Variants in FAM83B observed in about 807,000 individuals in gnomAD.
FAM83B encodes the protein protein FAM83B.
FAM83B carries 26 observed loss-of-function variants against 38.8 expected under a neutral mutation model. The ratio of observed to expected loss-of-function variants is 0.67; its 90% CI spans 0.49 to 0.93. FAM83B has a LOEUF of 0.93. Ranked by LOEUF, FAM83B falls within the 40% of genes least tolerant of loss-of-function variation. FAM83B has a pLI of 0.00. For synonymous variants in FAM83B, 419 were observed against 423.1 expected (o/e 0.99, Z 0.12); for missense variants, 1,237 against 1,197.3 (o/e 1.03, Z -0.49).
At chr6:54,923,128 A>C (rs1166024782) in intron 2 of FAM83B, among the ~76,000 whole-genome samples, 2 of 152,084 alleles carry the variant, frequency 1.3e-5, no homozygotes, top group African/African-American at 2.4e-5. Flanking sequence ...TTTTTCATCC[A>C]TTATAATGGG....
At chr6:54,936,929 A>C (rs1411900809) in intron 4 of FAM83B, among the ~76,000 whole-genome samples, 1 of 147,284 alleles carries the variant, frequency 6.8e-6, no homozygotes, top group Non-Finnish European at 1.5e-5. Flanking sequence ...TGGCATAATA[A>C]ATATTCCTTC....
rs76674818 is a variant in FAM83B, at chr6:54,866,071, C to G, written c.-60-4116C>G. Among the ~76,000 whole-genome samples, 1,073 of 151,846 alleles carry G rather than the reference C, an allele frequency of 7.1e-3. 12 individuals carry two copies. Among genetic ancestry groups the G allele is most frequent in the African/African-American group, 0.025 (1,041 of 41,458 alleles). Reference sequence around the variant, plus strand: ...AGATAAAGACTGTTGTTATTCTCCTCTCTACATCTGCCCAAACTGAGGCTT... The same window carrying G: ...AGATAAAGACTGTTGTTATTCTCCTGTCTACATCTGCCCAAACTGAGGCTT... On this transcript the variant is annotated intron_variant, in intron 1 of 4. Transcript: ENST00000306858.
chr6:54,886,189 A>G (rs996112375), intron 2 of FAM83B, among the ~76,000 whole-genome samples: 1 of 152,036 alleles, frequency 6.6e-6, no homozygotes, highest in Admixed American at 6.6e-5. Flanking sequence ...ATTTGCTGGT[A>G]TTTTATTTAT....
chr6:54,921,658 G>A (rs2127587270), intron 2 of FAM83B, among the ~76,000 whole-genome samples: 1 of 152,040 alleles, frequency 6.6e-6, no homozygotes, highest in Admixed American at 6.6e-5. Flanking sequence ...GTAGTTTAAT[G>A]AACACCAATT....
At chr6:54,875,950 T>TA (rs1188865970) in intron 2 of FAM83B, among the ~76,000 whole-genome samples, 2 of 152,018 alleles carry the variant, frequency 1.3e-5, no homozygotes, top group Non-Finnish European at 2.9e-5. Flanking sequence ...AGCAAAAAAT[T>TA]AAAAAAGTAT....
intron 1 of FAM83B, among the ~76,000 whole-genome samples, chr6:54,863,401 TC>T (rs1262452474): frequency 6.6e-6 from 1 of 152,202 alleles, no homozygotes; most frequent in African/African-American, 2.4e-5. Context: ...TAGAAACCCT[TC>T]GGGTCAGTAC....
At position 54,943,832 on chromosome 6, in the gene FAM83B, A is replaced by C. The variant is rs1353844452; in HGVS notation, c.*1825A>C. 6.6e-6 allele frequency: 1 copy of C among 152,212 alleles called. No homozygotes were observed. The highest frequency in any genetic ancestry group is 1.5e-5 in the Non-Finnish European group (1 of 68,042). 9.4% of individuals were successfully genotyped at this position (152,212 alleles called of 1,614,324 possible). A position where few individuals can be genotyped will look rare whatever the true frequency, so the allele number is the denominator to read the frequency against. On this transcript the variant is annotated 3_prime_UTR_variant, in exon 5 of 5. Transcript: ENST00000306858. ...TAACTTTAAAACTGAAATTATATAA[A>C]GAGTAGAAGTTTAATCATGTTTAAT...
chr6:54,857,814 A>G (rs774958019), intron 1 of FAM83B, among the ~76,000 whole-genome samples: 8 of 152,216 alleles, frequency 5.3e-5, no homozygotes, highest in Non-Finnish European at 1.0e-4. Context: ...TAAGTATGGC[A>G]GAGAGAGTGG....
At chr6:54,862,832 C>T (rs1004595697) in intron 1 of FAM83B, among the ~76,000 whole-genome samples, 1 of 151,408 alleles carries the variant, frequency 6.6e-6, no homozygotes, top group Non-Finnish European at 1.5e-5. Context: ...TGCAGTGAGC[C>T]GAGATCGCGC....
At chr6:54,935,974 C>T (rs2127590601) in intron 4 of FAM83B, among the ~76,000 whole-genome samples, 1 of 152,156 alleles carries the variant, frequency 6.6e-6, no homozygotes, top group Admixed American at 6.6e-5. Flanking sequence ...ATGAGTCATA[C>T]ATGTGAGGCT....
At chr6:54,884,594 C>T (rs1394833847) in intron 2 of FAM83B, among the ~76,000 whole-genome samples, 2 of 151,946 alleles carry the variant, frequency 1.3e-5, no homozygotes, top group Non-Finnish European at 1.5e-5. Context: ...GGCCAGGGTC[C>T]ATTTTGATTT....
rs780947097 is a variant in FAM83B at position 54,940,563 on chromosome 6, C to T, written c.1592C>T (p.Ala531Val). Reference sequence around the variant, plus strand: ...TATGATAATCCTGAGAATTTGAAGGCCAATGCCCTTTATACTCATTCTCGG... The same window carrying T: ...TATGATAATCCTGAGAATTTGAAGGTCAATGCCCTTTATACTCATTCTCGG... ...EGYDNPENLK[A>V]NALYTHSRLR... is the part of the protein sequence containing the mutation. The change falls in exon 5 of 5, where the codon GCC becomes GTC. Residue 531 changes from alanine (A) to valine (V), a missense_variant. Physicochemically the swap from Ala to Val is moderately conservative, Grantham distance 64. Coordinates refer to ENST00000306858, the MANE Select transcript of FAM83B (RefSeq NM_001010872.3). 1.2e-6 allele frequency: 2 copies of T among 1,614,030 alleles called. No individual in the cohort carries two copies. Among genetic ancestry groups the T allele is most frequent in the Non-Finnish European group, 1.7e-6 (2 of 1,180,018 alleles).
At chr6:54,859,728 T>G (rs1276070858) in intron 1 of FAM83B, among the ~76,000 whole-genome samples, 1 of 152,178 alleles carries the variant, frequency 6.6e-6, no homozygotes, top group East Asian at 1.9e-4. Context: ...TTATTTTAAT[T>G]TTTTTCCTTT....
At chr6:54,920,358 C>T (rs1773142012) in intron 2 of FAM83B, among the ~76,000 whole-genome samples, 1 of 151,490 alleles carries the variant, frequency 6.6e-6, no homozygotes, top group African/African-American at 2.4e-5. Context: ...TTAGAACTCC[C>T]TATGAGTTTT....
chr6:54,905,539 A>G (rs1057398379), intron 2 of FAM83B, among the ~76,000 whole-genome samples: 1 of 152,158 alleles, frequency 6.6e-6, no homozygotes, highest in Non-Finnish European at 1.5e-5. Context: ...CCGTTTTGGA[A>G]TACAATACAT....
Position 54,939,952 on chromosome 6 carries a change from C to A in FAM83B, c.981C>A (p.Asp327Glu). 1 of 1,613,994 alleles carries A rather than the reference C, an allele frequency of 6.2e-7. No individual in the cohort carries two copies. Among genetic ancestry groups the A allele is most frequent in the South Asian group, 1.1e-5 (1 of 91,078 alleles). The stretch of plus-strand genomic sequence containing the variant: ...AGAGAAACCTTTTTGGTAGACAAGA[C>A]AAGATTCATAAACTAGATTCCAGTT... ...SSQRNLFGRQ[D>E]KIHKLDSSYF... is the part of the protein sequence containing the mutation. Residue 327 changes from aspartate (D) to glutamate (E), a missense_variant, in exon 5 of 5, where the codon GAC becomes GAA. By Grantham distance (45) the Asp-to-Glu change is conservative. Transcript: ENST00000306858.
intron 2 of FAM83B, among the ~76,000 whole-genome samples, chr6:54,905,466 A>G (rs540753710): frequency 6.6e-6 from 1 of 152,210 alleles, no homozygotes; most frequent in Non-Finnish European, 1.5e-5. Context: ...TAATTAACAT[A>G]TCTTTCACCT....
chr6:54,912,058 C>G (rs1373822571), intron 2 of FAM83B, among the ~76,000 whole-genome samples: 1 of 151,732 alleles, frequency 6.6e-6, no homozygotes, highest in Non-Finnish European at 1.5e-5. Flanking sequence ...CTTCTTTAAT[C>G]ATTATATTTC....
At position 54,941,126 on chromosome 6, in the gene FAM83B, G is replaced by A. The variant is rs1042492096; in HGVS notation, c.2155G>A (p.Glu719Lys). The change falls in exon 5 of 5, where the codon GAG (glutamate) becomes AAG (lysine). Residue 719 changes from glutamate (E) to lysine (K), a missense_variant. By Grantham distance (56) the Glu-to-Lys change is moderately conservative. Transcript: ENST00000306858. ...GCACAATGTGACTCATAACTTGGAG[G>A]AGGATGAGGAGGAAGTTACCAAGAG... ...SMHNVTHNLE[E>K]DEEEVTKRNS... 6.2e-6 allele frequency: 10 copies of A among 1,613,754 alleles called. No homozygotes were observed. In the East Asian group the frequency reaches 1.6e-4, roughly 25 times the overall value.
Sources: gnomAD v4.1 joint callset for allele counts (sites outside exome capture counted in the v4.1 genomes callset) on GRCh38, gnomAD v4.1.1 for gene constraint, MANE v1.5 for transcripts, NCBI Gene and HGNC (gene_info 2026-07-23, HGNC 2026-07-21) for gene names.